The following SYNPR variants were observed in gnomAD, a reference collection of about 807,000 sequenced individuals.
SYNPR encodes synaptoporin.
Under a neutral mutation model 32.9 loss-of-function variants are expected in SYNPR, and 23 were observed. The observed-to-expected ratio is 0.70, with a 90% CI of 0.50 to 0.99. The LOEUF (loss-of-function observed/expected upper bound fraction) is 0.99, where lower values mean the gene tolerates loss of function less well. Ranked by LOEUF, SYNPR falls within the 50% of genes least tolerant of loss-of-function variation. SYNPR has a pLI of 0.00. For missense variants in SYNPR, 318 were observed against 349.3 expected (o/e 0.91, Z 0.71); for synonymous variants, 146 against 135.9 (o/e 1.07, Z -0.52).
chr3:63,408,273 GAAAGAGGAAGGAAGGAAGGA>G lies in SYNPR; in HGVS notation c.85-72557_85-72538del, dbSNP rs1560221106. Reference sequence around the variant, plus strand: ...AGAAAGAAAGAAAGAAAGAAAGAAAGAAAGAGGAAGGAAGGAAGGAAGGAAGGAAGGAAGGAAGGAAGGAA... The same window carrying G: ...AGAAAGAAAGAAAGAAAGAAAGAAAGAGGAAGGAAGGAAGGAAGGAAGGAA... On this transcript the variant is annotated intron_variant, in intron 2 of 5. Coordinates refer to ENST00000478300, the MANE Select transcript of SYNPR (RefSeq NM_001130003.2). Among the ~76,000 whole-genome samples the G allele has an allele frequency of 1.9e-4, 19 of 100,072 alleles. 3 individuals are homozygous for G. The highest frequency in any genetic ancestry group is 7.6e-4 in the African/African-American group (17 of 22,352). 65.7% of individuals were successfully genotyped at this position (100,072 alleles called of 152,430 possible).
intron 2 of SYNPR, among the ~76,000 whole-genome samples, chr3:63,318,499 C>T (rs949895237): frequency 1.2e-4 from 18 of 151,882 alleles, no homozygotes; most frequent in African/African-American, 4.3e-4. Context: ...ATTCAAAGAC[C>T]TTGTCTTTGA....
intron 3 of SYNPR, among the ~76,000 whole-genome samples, chr3:63,529,746 A>G (rs1427991994): frequency 2.6e-5 from 4 of 152,220 alleles, no homozygotes; most frequent in Non-Finnish European, 5.9e-5. Context: ...TGGATTTTGG[A>G]AGCCAACTGT....
intron 2 of SYNPR, among the ~76,000 whole-genome samples, chr3:63,405,914 G>A (rs2107108202): frequency 6.6e-6 from 1 of 152,232 alleles, no homozygotes; most frequent in Middle Eastern, 3.4e-3. Context: ...GCACTGGTTG[G>A]ACATTTTCTC....
chr3:63,393,493 TCTC>T (rs1560215358), intron 2 of SYNPR, among the ~76,000 whole-genome samples: 6 of 130,314 alleles, frequency 4.6e-5, no homozygotes, highest in African/African-American at 1.9e-4. Context: ...CTTTCTTTCT[TCTC>T]TTTTTTTTTT....
intron 2 of SYNPR, among the ~76,000 whole-genome samples, chr3:63,346,762 C>T (rs1324815503): frequency 6.6e-6 from 1 of 152,170 alleles, no homozygotes; most frequent in African/African-American, 2.4e-5. Context: ...TGAGCCACCA[C>T]ACCCAGCTAA....
chr3:63,364,956 G>T (rs974632904), intron 2 of SYNPR, among the ~76,000 whole-genome samples: 1 of 152,134 alleles, frequency 6.6e-6, no homozygotes, highest in African/African-American at 2.4e-5. Flanking sequence ...AATTGAAATA[G>T]GGGCCAAGTT....
chr3:63,497,552 GT>G (rs564665863), intron 3 of SYNPR, among the ~76,000 whole-genome samples: 3,245 of 143,868 alleles, frequency 0.023, 51 homozygotes, highest in African/African-American at 0.046. Context: ...GGGTGTTGCT[GT>G]TTTTTTTTTT....
chr3:63,547,144 T>TCTTTG (rs1702421183), intron 3 of SYNPR, among the ~76,000 whole-genome samples: 2 of 152,184 alleles, frequency 1.3e-5, no homozygotes, highest in East Asian at 1.9e-4. Context: ...TTTGCTTTGA[T>TCTTTG]ATTGGATAAA....
the SYNPR span, among the ~76,000 whole-genome samples, chr3:63,207,541 T>C: frequency 1.3e-5 from 2 of 152,202 alleles, no homozygotes; most frequent in African/African-American, 2.4e-5. Flanking sequence ...AACTTCTTTA[T>C]ATGGACTTAT....
Position 63,313,013 on chromosome 3 carries a change from T to A in SYNPR, c.84+34271T>A, listed in dbSNP as rs946050392. Among the ~76,000 whole-genome samples the A allele has an allele frequency of 2.0e-5, 3 of 152,024 alleles. No homozygotes were observed. The East Asian group carries it at 5.8e-4, about 30-fold the overall frequency. On this transcript the variant is annotated intron_variant, in intron 2 of 5. Transcript: ENST00000478300. ...CACAACAGAAACTATTGGATTCTAGTTTGTTCCTTTGTTATTGCCTGGTTC... is the reference window on the plus strand; with the variant it reads ...CACAACAGAAACTATTGGATTCTAGATTGTTCCTTTGTTATTGCCTGGTTC...
rs566173404 is a variant in SYNPR at position 63,514,639 on chromosome 3, A to G, written c.209+33683A>G. Among the ~76,000 whole-genome samples, 5 of 152,292 alleles carry G rather than the reference A, an allele frequency of 3.3e-5. No homozygotes were observed. In the East Asian group the frequency reaches 5.8e-4, roughly 18 times the overall value. ...TATTAAATTAGAATCACTAATATATATTGTAGAATGAGGCCATTTGGAGTA... is the reference window on the plus strand; with the variant it reads ...TATTAAATTAGAATCACTAATATATGTTGTAGAATGAGGCCATTTGGAGTA... On this transcript the variant is annotated intron_variant, in intron 3 of 5. Coordinates refer to ENST00000478300, the MANE Select transcript of SYNPR (RefSeq NM_001130003.2).
chr3:63,578,637 T>A (rs968358450), intron 4 of SYNPR, among the ~76,000 whole-genome samples: 2 of 152,140 alleles, frequency 1.3e-5, no homozygotes, highest in African/African-American at 4.8e-5. Context: ...AGATCTCCCA[T>A]CTAAAAGATT....
the SYNPR span, among the ~76,000 whole-genome samples, chr3:63,218,804 C>A: frequency 1.5e-3 from 224 of 152,212 alleles, no homozygotes; most frequent in Middle Eastern, 0.01. Flanking sequence ...ATGAGCTCTC[C>A]GGGAGGGCTG....
rs934487738 is a variant in SYNPR, at chr3:63,278,412, G to A, written c.-122G>A. 1.4e-5 allele frequency: 19 copies of A among 1,318,092 alleles called. No homozygotes were observed. Among genetic ancestry groups the A allele is most frequent in the Non-Finnish European group, 1.9e-5 (19 of 978,504 alleles). The allele number at this position is 1,318,092 out of a possible 1,614,324, so 81.6% of individuals were successfully genotyped here. On this transcript the variant is annotated 5_prime_UTR_variant, in exon 1 of 6. Coordinates refer to ENST00000478300, the MANE Select transcript of SYNPR (RefSeq NM_001130003.2). Reference sequence around the variant, plus strand: ...CGAGGCCCCCTGCCCTCGCCGGGCTGCTCCAGGGTGTCGCTCCTCTGGCTG... The same window carrying A: ...CGAGGCCCCCTGCCCTCGCCGGGCTACTCCAGGGTGTCGCTCCTCTGGCTG...
chr3:63,278,492 T>C lies in SYNPR; in HGVS notation c.-42T>C. 1 of 1,537,348 alleles carries C rather than the reference T, an allele frequency of 6.5e-7. No individual in the cohort carries two copies. The highest frequency in any genetic ancestry group is 8.8e-7 in the Non-Finnish European group (1 of 1,139,634). On this transcript the variant is annotated 5_prime_UTR_variant, in exon 1 of 6. Transcript: ENST00000478300. ...GGTGGTGCCAAGCGAACTTCATTTTTAAAAAGAACTGGTGGATGAGAAGAG... is the reference window on the plus strand; with the variant it reads ...GGTGGTGCCAAGCGAACTTCATTTTCAAAAAGAACTGGTGGATGAGAAGAG...
rs376400133 is a variant in SYNPR at position 63,610,642 on chromosome 3, T to A, written c.600+1326T>A. ...TGACCACACTTGTAAATGAACACTTTGAGGTATACGTTACCATATTTACTT... is the reference window on the plus strand; with the variant it reads ...TGACCACACTTGTAAATGAACACTTAGAGGTATACGTTACCATATTTACTT... On this transcript the variant is annotated intron_variant, in intron 5 of 5. Coordinates refer to ENST00000478300, the MANE Select transcript of SYNPR (RefSeq NM_001130003.2). The A allele has an allele frequency of 2.6e-5, 14 of 531,470 alleles. No individual in the cohort carries two copies. The East Asian group carries it at 2.9e-4, about 11-fold the overall frequency. The allele number at this position is 531,470 out of a possible 1,614,324, so 32.9% of individuals were successfully genotyped here.
chr3:63,260,252 C>T lies in SYNPR; in HGVS notation n.155-7065C>T, dbSNP rs138493292. Among the ~76,000 whole-genome samples, 542 of 152,222 alleles carry T rather than the reference C, an allele frequency of 3.6e-3. 2 individuals are homozygous for T. Among genetic ancestry groups the T allele is most frequent in the African/African-American group, 0.011 (465 of 41,546 alleles). On this transcript the variant is annotated intron_variant and non_coding_transcript_variant, in intron 2 of 4. Transcript: ENST00000478456. ...GTTCATATGGAACCAAAAACGAGCC[C>T]GCATCGCCAAGTCAATCCTAAGCCA...
chr3:63,389,550 A>G (rs1010888860), intron 2 of SYNPR, among the ~76,000 whole-genome samples: 8 of 152,128 alleles, frequency 5.3e-5, no homozygotes, highest in Admixed American at 5.2e-4. Context: ...CCCTGAACCA[A>G]TCACTGAGGT....
chr3:63,440,575 G>A (rs747147560), intron 2 of SYNPR, among the ~76,000 whole-genome samples: 1 of 152,118 alleles, frequency 6.6e-6, no homozygotes, highest in Non-Finnish European at 1.5e-5. Flanking sequence ...CTTAGAAAAT[G>A]TTAATGCTCT....
Sources: allele counts gnomAD v4.1 joint callset (sites outside exome capture counted in the v4.1 genomes callset), GRCh38; gene constraint gnomAD v4.1.1; transcripts MANE v1.5; gene names NCBI Gene and HGNC (gene_info 2026-07-23, HGNC 2026-07-21).